DGKG: variants seen among roughly 807,000 people sequenced by gnomAD.
DGKG encodes DAG kinase gamma.
In DGKG, 78 loss-of-function variants were observed where a neutral mutation model predicts 105.3. That is an observed-to-expected ratio of 0.74 (90% CI 0.62 to 0.89). DGKG has a LOEUF of 0.89. Among genes scored for constraint, DGKG ranks in the 40% least tolerant of loss-of-function variants. The pLI, the probability that DGKG is intolerant of heterozygous loss-of-function variation, is 0.00. For synonymous variants in DGKG, 346 were observed against 367.1 expected, an observed-to-expected ratio of 0.94 and a Z score of 0.66; for missense variants, 958 against 1,020.1, an observed-to-expected ratio of 0.94 and a Z score of 0.83.
At chr3:186,288,426 G>C (rs1202889533) in intron 6 of DGKG, among the ~76,000 whole-genome samples, 1 of 152,238 alleles carries the variant, frequency 6.6e-6, no homozygotes, top group African/African-American at 2.4e-5. Flanking sequence ...AAGCAAGGAA[G>C]TCTTGACCAC....
At position 186,308,984 on chromosome 3, in the gene DGKG, G is replaced by T. The variant is rs545023127; in HGVS notation, c.68-2007C>A. The stretch of plus-strand genomic sequence containing the variant: ...TTAATTCGACTTGCTCAAGAGCCAG[G>T]GTTGTAACTCAGGTCTAGTCTGGCT... On this transcript the variant is annotated intron_variant, in intron 2 of 24. Coordinates refer to ENST00000265022, the MANE Select transcript of DGKG (RefSeq NM_001346.3). 7.2e-5 allele frequency among the ~76,000 whole-genome samples: 11 copies of T among 152,248 alleles called. No individual in the cohort carries two copies. In the South Asian group the frequency reaches 2.3e-3, roughly 32 times the overall value.
intron 12 of DGKG, 97 bp from the exon 13 acceptor site, chr3:186,267,874 G>T: frequency 9.2e-7 from 1 of 1,092,694 alleles, no homozygotes; most frequent in Non-Finnish European, 1.4e-6. Flanking sequence ...GCTGTCTAGT[G>T]CTCCCCCAAA....
intron 5 of DGKG, among the ~76,000 whole-genome samples, chr3:186,294,582 G>T (rs955197928): frequency 7.3e-5 from 11 of 151,536 alleles, no homozygotes; most frequent in African/African-American, 2.7e-4. Flanking sequence ...ATTTGGGGCA[G>T]GATGCTTTTT....
At chr3:186,250,873 T>G (rs1721188165) in intron 19 of DGKG, among the ~76,000 whole-genome samples, 1 of 152,112 alleles carries the variant, frequency 6.6e-6, no homozygotes, top group Non-Finnish European at 1.5e-5. Context: ...TTAAAAAAAG[T>G]AAATACTAGT....
intron 13 of DGKG, 127 bp downstream of exon 13, chr3:186,267,553 GAAAGA>G (rs1722115039): frequency 1.4e-6 from 1 of 715,494 alleles, no homozygotes; most frequent in East Asian, 2.5e-5. Context: ...AGTAAAAAAA[GAAAGA>G]AAAGAAAACA....
At position 186,297,313 on chromosome 3, in the gene DGKG, G is replaced by T. The variant is rs1723629060; in HGVS notation, c.373+108C>A. On this transcript the variant is annotated intron_variant, in intron 5 of 24. Coordinates refer to ENST00000265022, the MANE Select transcript of DGKG (RefSeq NM_001346.3). ...CCACAGGAGGACCAGATCTGCATAA[G>T]ATTGCACAATTATATGAAGACAGCA... 21 of 848,996 alleles carry T rather than the reference G, an allele frequency of 2.5e-5. No individual in the cohort carries two copies. In the South Asian group the frequency reaches 3.0e-4, roughly 12 times the overall value. The allele number at this position is 848,996 out of a possible 1,614,324, so 52.6% of individuals were successfully genotyped here.
intron 22 of DGKG, among the ~76,000 whole-genome samples, chr3:186,183,171 G>A (rs945062488): frequency 2.0e-5 from 3 of 152,076 alleles, no homozygotes; most frequent in Non-Finnish European, 2.9e-5. Context: ...ACTCCCTAAC[G>A]CATTTTCTAA....
chr3:186,232,737 G>T (rs13098410), intron 20 of DGKG, among the ~76,000 whole-genome samples: 105,825 of 152,016 alleles, frequency 0.7, 39,538 homozygotes, highest in East Asian at 0.97. Context: ...ATTGAAAAAC[G>T]TTTAAACAAG....
chr3:186,181,581 A>G (rs556416223), intron 22 of DGKG, among the ~76,000 whole-genome samples: 1 of 152,234 alleles, frequency 6.6e-6, no homozygotes, highest in South Asian at 2.1e-4. Flanking sequence ...AAAAATACAA[A>G]AATTAGCCAG....
At chr3:186,271,218 G>C (rs1211129876) in intron 11 of DGKG, among the ~76,000 whole-genome samples, 1 of 152,182 alleles carries the variant, frequency 6.6e-6, no homozygotes, top group African/African-American at 2.4e-5. Flanking sequence ...TCTATTTCCA[G>C]ACTTGGAGAA....
chr3:186,192,527 T>C (rs1717955301), intron 21 of DGKG, among the ~76,000 whole-genome samples: 1 of 152,190 alleles, frequency 6.6e-6, no homozygotes, highest in Non-Finnish European at 1.5e-5. Context: ...GATCTTCACA[T>C]GAACATGATG....
chr3:186,329,956 G>T (rs1725524467), intron 1 of DGKG, among the ~76,000 whole-genome samples: 1 of 152,122 alleles, frequency 6.6e-6, no homozygotes, highest in Non-Finnish European at 1.5e-5. Flanking sequence ...TGCACCTCTA[G>T]CTACTACAAG....
intron 15 of DGKG, 25 bp downstream of exon 15, chr3:186,261,674 C>T: frequency 1.3e-6 from 2 of 1,548,636 alleles, no homozygotes; most frequent in South Asian, 1.2e-5. Flanking sequence ...CTAGTTGCTC[C>T]ACTTTGAAAC....
chr3:186,160,271 G>A (rs1716231160), intron 24 of DGKG: 1 of 985,264 alleles, frequency 1.0e-6, no homozygotes, highest in African/African-American at 1.7e-5. Flanking sequence ...GAATTTATAG[G>A]AATAGCAATC....
At chr3:186,332,799 C>A (rs1460263967) in intron 1 of DGKG, among the ~76,000 whole-genome samples, 2 of 152,018 alleles carry the variant, frequency 1.3e-5, no homozygotes. Context: ...AGAGGTGAGG[C>A]CTTTAAGAGG....
chr3:186,353,409 C>T (rs1404559283), intron 1 of DGKG, among the ~76,000 whole-genome samples: 2 of 151,850 alleles, frequency 1.3e-5, no homozygotes, highest in Non-Finnish European at 2.9e-5. Context: ...ATCCCAGCTA[C>T]TCGAGAGGTT....
intron 21 of DGKG, among the ~76,000 whole-genome samples, chr3:186,204,846 C>T (rs947212942): frequency 3.3e-5 from 5 of 152,204 alleles, no homozygotes; most frequent in South Asian, 2.1e-4. Context: ...ATTGCTGAAC[C>T]GCTCTCCAAA....
chr3:186,354,337 G>A (rs1214501125), intron 1 of DGKG, among the ~76,000 whole-genome samples: 1 of 152,204 alleles, frequency 6.6e-6, no homozygotes, highest in Non-Finnish European at 1.5e-5. Flanking sequence ...CAGCATCTAA[G>A]GATCAAAGTG....
intron 14 of DGKG, 80 bp downstream of exon 14, chr3:186,265,167 T>C (rs1268508185): frequency 5.7e-6 from 8 of 1,398,924 alleles, no homozygotes; most frequent in Non-Finnish European, 6.1e-6. Context: ...TGCTTTTCTG[T>C]AGAACCCAAA....
Sources: allele counts gnomAD v4.1 joint callset (sites outside exome capture counted in the v4.1 genomes callset), GRCh38; gene constraint gnomAD v4.1.1; transcripts MANE v1.5; gene names NCBI Gene and HGNC (gene_info 2026-07-23, HGNC 2026-07-21).